The following SGCZ variants were observed in gnomAD, a reference collection of about 807,000 sequenced individuals.
The protein encoded by SGCZ is sarcoglycan zeta, also known as zeta-sarcoglycan.
A neutral mutation model predicts 41.3 loss-of-function variants in SGCZ; 40 were observed. The ratio of observed to expected loss-of-function variants is 0.97; its 90% CI spans 0.75 to 1.26. The LOEUF is 1.26. Among genes scored for constraint, SGCZ ranks in the 50% most tolerant of loss-of-function variants. The pLI is 0.00. For missense variants in SGCZ, 552 were observed against 369.8 expected (o/e 1.49, Z -4.04); for synonymous variants, 206 against 137.5 (o/e 1.50, Z -3.49).
chr8:14,630,278 T>A (rs968535231), intron 1 of SGCZ, among the ~76,000 whole-genome samples: 7 of 152,056 alleles, frequency 4.6e-5, no homozygotes, highest in African/African-American at 7.2e-5. Flanking sequence ...AATCTGCTTA[T>A]GTCTGCTCTG....
chr8:14,558,499 C>T (rs758695160), intron 1 of SGCZ, among the ~76,000 whole-genome samples: 21 of 150,432 alleles, frequency 1.4e-4, no homozygotes, highest in Non-Finnish European at 2.2e-4. Flanking sequence ...TGCTTGAACC[C>T]GGAAGGCAGA....
intron 1 of SGCZ, among the ~76,000 whole-genome samples, chr8:14,898,661 G>C (rs1805292345): frequency 6.6e-6 from 1 of 152,130 alleles, no homozygotes; most frequent in Non-Finnish European, 1.5e-5. Context: ...TTTGATAATG[G>C]ATTATATCTG....
intron 2 of SGCZ, among the ~76,000 whole-genome samples, chr8:14,333,471 T>C (rs1423678950): frequency 6.6e-6 from 1 of 152,142 alleles, no homozygotes; most frequent in Non-Finnish European, 1.5e-5. Context: ...ATTAGCATGC[T>C]TGTCTTTCCC....
chr8:15,045,720 C>A (rs1461473947), intron 1 of SGCZ, among the ~76,000 whole-genome samples: 1 of 152,082 alleles, frequency 6.6e-6, no homozygotes, highest in Non-Finnish European at 1.5e-5. Flanking sequence ...ATTCTCTCAT[C>A]AGAGTTGAAG....
chr8:14,392,367 G>T (rs373448373), intron 2 of SGCZ, among the ~76,000 whole-genome samples: 2 of 152,108 alleles, frequency 1.3e-5, no homozygotes, highest in Admixed American at 6.6e-5. Context: ...AGATTCTCTA[G>T]ATAGCATAGC....
At position 15,140,647 on chromosome 8, in the gene SGCZ, T is replaced by A. The variant is rs1808285166; in HGVS notation, c.39+96938A>T. Among the ~76,000 whole-genome samples, 3 of 152,204 alleles carry A rather than the reference T, an allele frequency of 2.0e-5. No individual in the cohort carries two copies. In the South Asian group the frequency reaches 6.2e-4, roughly 31 times the overall value. On this transcript the variant is annotated intron_variant, in intron 1 of 7. Coordinates refer to ENST00000382080, the MANE Select transcript of SGCZ (RefSeq NM_139167.4). ...TTTTTCTTCTACAATAATTTTATAT[T>A]TACTTTTTTGTGTAAGTAATCACAT... is the stretch of plus-strand genomic sequence containing the variant.
In SGCZ at chr8:14,765,761, G is replaced by T. The variant is rs987204917; in HGVS notation, c.40-210835C>A. 4.6e-5 allele frequency among the ~76,000 whole-genome samples: 7 copies of T among 152,308 alleles called. 1 individual carries two copies. The South Asian group carries it at 1.4e-3, about 32-fold the overall frequency. Reference sequence around the variant, plus strand: ...AGTATGGGGAGAAGGCCATGGTAAAGATCACTCATCAAATGCGTGTGCGCA... The same window carrying T: ...AGTATGGGGAGAAGGCCATGGTAAATATCACTCATCAAATGCGTGTGCGCA... On this transcript the variant is annotated intron_variant, in intron 1 of 7. Transcript: ENST00000382080.
chr8:14,110,887 T>C (rs2117010053), intron 5 of SGCZ, among the ~76,000 whole-genome samples: 1 of 152,128 alleles, frequency 6.6e-6, no homozygotes, highest in Middle Eastern at 3.4e-3. Flanking sequence ...AATCCTCTCC[T>C]CTCTACTAAA....
chr8:14,435,780 T>C (rs1372850015), intron 2 of SGCZ, among the ~76,000 whole-genome samples: 4 of 152,360 alleles, frequency 2.6e-5, no homozygotes, highest in African/African-American at 9.6e-5. Flanking sequence ...CGTGAACTTG[T>C]TAACTCATTG....
intron 1 of SGCZ, among the ~76,000 whole-genome samples, chr8:15,207,983 C>T (rs1174336426): frequency 1.3e-5 from 2 of 152,106 alleles, no homozygotes; most frequent in Non-Finnish European, 2.9e-5. Context: ...GTTTGCTTAG[C>T]CTGCTTTCAG....
intron 7 of SGCZ, among the ~76,000 whole-genome samples, chr8:14,093,401 G>A (rs1306836050): frequency 2.6e-5 from 4 of 152,082 alleles, no homozygotes; most frequent in East Asian, 3.9e-4. Flanking sequence ...GGATCCTGAT[G>A]TCTTTCCATG....
At chr8:15,224,487 T>C (rs968079239) in intron 1 of SGCZ, among the ~76,000 whole-genome samples, 3 of 152,132 alleles carry the variant, frequency 2.0e-5, no homozygotes, top group African/African-American at 7.2e-5. Context: ...TCAAGAAAAC[T>C]GAGTTTGCTA....
chr8:14,819,382 T>C (rs1314484365), intron 1 of SGCZ, among the ~76,000 whole-genome samples: 4 of 152,148 alleles, frequency 2.6e-5, no homozygotes, highest in Non-Finnish European at 4.4e-5. Flanking sequence ...GTTTGTTTTT[T>C]CCTTAAGCAC....
At chr8:14,857,270 G>C (rs1017498901) in intron 1 of SGCZ, among the ~76,000 whole-genome samples, 5 of 152,086 alleles carry the variant, frequency 3.3e-5, no homozygotes, top group Non-Finnish European at 7.4e-5. Flanking sequence ...CTGCAGTACT[G>C]AACCTCACTT....
At chr8:14,168,303 C>G (rs890319565) in intron 4 of SGCZ, among the ~76,000 whole-genome samples, 2 of 151,986 alleles carry the variant, frequency 1.3e-5, no homozygotes, top group African/African-American at 4.8e-5. Flanking sequence ...TAAAACAAAA[C>G]AAAATAAGCT....
intron 1 of SGCZ, among the ~76,000 whole-genome samples, chr8:14,864,547 C>T (rs1404729741): frequency 2.6e-5 from 4 of 152,064 alleles, no homozygotes; most frequent in Non-Finnish European, 5.9e-5. Flanking sequence ...GTCCCGGTGA[C>T]TTGTATTCAC....
chr8:15,098,723 G>A (rs141377655), intron 1 of SGCZ, among the ~76,000 whole-genome samples: 3 of 152,004 alleles, frequency 2.0e-5, no homozygotes, highest in South Asian at 2.1e-4. Flanking sequence ...ATAAATTGTG[G>A]TACTCAATAA....
chr8:14,549,935 G>T (rs1803748716), intron 2 of SGCZ, among the ~76,000 whole-genome samples: 1 of 151,984 alleles, frequency 6.6e-6, no homozygotes, highest in Admixed American at 6.6e-5. Flanking sequence ...GTCAACAAAA[G>T]AAACTCCTAC....
intron 5 of SGCZ, among the ~76,000 whole-genome samples, chr8:14,130,259 A>G (rs1418578904): frequency 6.6e-6 from 1 of 152,024 alleles, no homozygotes; most frequent in Non-Finnish European, 1.5e-5. Flanking sequence ...GGTGCAAAAT[A>G]AGAATCTTGG....
Sources: allele counts gnomAD v4.1 joint callset (sites outside exome capture counted in the v4.1 genomes callset), GRCh38; gene constraint gnomAD v4.1.1; transcripts MANE v1.5; gene names NCBI Gene and HGNC (gene_info 2026-07-23, HGNC 2026-07-21).